CERKL: variants seen among roughly 807,000 people sequenced by gnomAD.
CERKL encodes ceramide kinase-like protein.
In CERKL, 61 loss-of-function variants were observed where a neutral mutation model predicts 63.4. The ratio of observed to expected loss-of-function variants is 0.96; its 90% CI spans 0.78 to 1.19. CERKL has a LOEUF of 1.19. CERKL is among the 50% of genes most tolerant of loss of function. The pLI is 0.00. For synonymous variants in CERKL, 250 were observed against 230.5 expected, an observed-to-expected ratio of 1.08 and a Z score of -0.77; for missense variants, 675 against 655.5, an observed-to-expected ratio of 1.03 and a Z score of -0.33.
intron 6 of CERKL, among the ~76,000 whole-genome samples, 163 bp from the exon 7 acceptor site, chr2:181,549,020 A>G (rs1461491846): frequency 1.3e-5 from 2 of 152,214 alleles, no homozygotes; most frequent in Non-Finnish European, 2.9e-5. Context: ...TATAACTACA[A>G]TAATTACCAT....
intron 11 of CERKL, among the ~76,000 whole-genome samples, chr2:181,541,952 G>C (rs1281367597): frequency 1.3e-5 from 2 of 152,192 alleles, no homozygotes; most frequent in Non-Finnish European, 2.9e-5. Context: ...CAAGAAGACA[G>C]AGGTCCTGCA....
In CERKL at chr2:181,552,698, T is replaced by C. The variant is rs1198360859; in HGVS notation, c.821-2990A>G. Among the ~76,000 whole-genome samples the C allele has an allele frequency of 3.3e-5, 5 of 152,164 alleles. No individual in the cohort carries two copies. In the East Asian group the frequency reaches 7.7e-4, roughly 23 times the overall value. On this transcript the variant is annotated intron_variant, in intron 5 of 12. Transcript: ENST00000410087. ...TTAAGTGTTCTCAATGTAAAATCAGTATGTGATCATTATGTCAATTTTATG... is the reference window on the plus strand; with the variant it reads ...TTAAGTGTTCTCAATGTAAAATCAGCATGTGATCATTATGTCAATTTTATG...
intron 3 of CERKL, among the ~76,000 whole-genome samples, chr2:181,573,037 C>T (rs145031931): frequency 7.2e-5 from 11 of 152,044 alleles, no homozygotes; most frequent in Non-Finnish European, 1.5e-4. Context: ...CCACTGTTAG[C>T]GAAGCCACAT....
chr2:181,565,643 T>G, intron 4 of CERKL: 2 of 762,468 alleles, frequency 2.6e-6, no homozygotes, highest in Non-Finnish European at 4.4e-6. Flanking sequence ...CACAGACAAG[T>G]TAACCAATGG....
In CERKL at chr2:181,571,122, TAGGC is replaced by T. The variant is rs558315036; in HGVS notation, c.613+2627_613+2630del. On this transcript the variant is annotated intron_variant, in intron 3 of 12. Transcript: ENST00000410087. Reference sequence around the variant, plus strand: ...CAACTACAAAAATAACACTGTAAGATAGGCAGGAAGACTAAAACTTTTCAAATAT... The same window carrying T: ...CAACTACAAAAATAACACTGTAAGATAGGAAGACTAAAACTTTTCAAATAT... Among the ~76,000 whole-genome samples, 48 of 152,312 alleles carry T rather than the reference TAGGC, an allele frequency of 3.2e-4. 1 individual carries two copies. In the Middle Eastern group the frequency reaches 0.014, roughly 43 times the overall value.
intron 1 of CERKL, among the ~76,000 whole-genome samples, chr2:181,650,552 AG>A (rs1345112789): frequency 6.6e-6 from 1 of 152,162 alleles, no homozygotes; most frequent in Non-Finnish European, 1.5e-5. Flanking sequence ...TGAGGTCGGG[AG>A]TTCGAGACCA....
At chr2:181,557,759 T>C (rs773513315) in intron 5 of CERKL, among the ~76,000 whole-genome samples, 1 of 152,184 alleles carries the variant, frequency 6.6e-6, no homozygotes, top group East Asian at 1.9e-4. Flanking sequence ...GGAGCCTCCA[T>C]GGTTGGGCCT....
intron 2 of CERKL, among the ~76,000 whole-genome samples, chr2:181,584,237 C>T (rs572742185): frequency 9.2e-5 from 14 of 152,148 alleles, no homozygotes; most frequent in Non-Finnish European, 1.6e-4. Flanking sequence ...ATTGGCCAGG[C>T]ATGGTGGCTC....
intron 5 of CERKL, among the ~76,000 whole-genome samples, chr2:181,551,769 C>G (rs944619274): frequency 6.6e-6 from 1 of 151,922 alleles, no homozygotes; most frequent in African/African-American, 2.4e-5. Flanking sequence ...ATACACATAG[C>G]CTGAAGATAA....
At chr2:181,632,320 A>G (rs1686998533) in intron 1 of CERKL, among the ~76,000 whole-genome samples, 2 of 152,214 alleles carry the variant, frequency 1.3e-5, no homozygotes, top group African/African-American at 4.8e-5. Context: ...AAATCCCTTA[A>G]CACTGGGATT....
intron 3 of CERKL, among the ~76,000 whole-genome samples, chr2:181,567,049 A>T (rs1361923280): frequency 2.0e-5 from 3 of 152,132 alleles, no homozygotes; most frequent in Non-Finnish European, 4.4e-5. Flanking sequence ...ATATTGTTAA[A>T]AATTATTAGT....
chr2:181,554,533 T>C (rs1335425058), intron 5 of CERKL, among the ~76,000 whole-genome samples: 3 of 152,186 alleles, frequency 2.0e-5, no homozygotes, highest in African/African-American at 7.2e-5. Flanking sequence ...TTTATTTTTA[T>C]GTCCTCTCAG....
At position 181,604,079 on chromosome 2, in the gene CERKL, C is replaced by T. The variant is rs912690639; in HGVS notation, c.239G>A (p.Gly80Asp). The change falls in exon 2 of 13, where the codon GGT becomes GAT. Residue 80 changes from glycine (G) to aspartate (D), a missense_variant and splice_region_variant. Physicochemically the swap from Gly to Asp is moderately conservative, Grantham distance 94. Coordinates refer to ENST00000410087, the MANE Select transcript of CERKL (RefSeq NM_201548.5). ...ACATAGCAAGTCATACTTAGAATCA[C>T]CTGAAAAAAAAATAAATTTTCCAAT... ...WRPIQPERPAGDSKYDLLCKE... is the reference protein window; with the variant it reads ...WRPIQPERPADDSKYDLLCKE... 1 of 1,590,576 alleles carries T rather than the reference C, an allele frequency of 6.3e-7. No individual in the cohort carries two copies. Among genetic ancestry groups the T allele is most frequent in the African/African-American group, 1.4e-5 (1 of 73,224 alleles).
chr2:181,566,010 T>C, intron 4 of CERKL, 48 bp downstream of exon 4: 1 of 1,258,452 alleles, frequency 7.9e-7, no homozygotes, highest in Non-Finnish European at 1.2e-6. Flanking sequence ...AGTGAAGGCA[T>C]TTAATACATA....
chr2:181,546,829 C>T (rs764984142), intron 10 of CERKL, among the ~76,000 whole-genome samples: 2 of 152,168 alleles, frequency 1.3e-5, no homozygotes, highest in Non-Finnish European at 2.9e-5. Flanking sequence ...CTACTATTCA[C>T]ATTAAATAGA....
chr2:181,631,168 T>C (rs1389436163), intron 1 of CERKL, among the ~76,000 whole-genome samples: 1 of 152,232 alleles, frequency 6.6e-6, no homozygotes, highest in East Asian at 1.9e-4. Flanking sequence ...TGCTGCCCAC[T>C]TGAAAGGTAA....
intron 3 of CERKL, among the ~76,000 whole-genome samples, chr2:181,567,941 C>A (rs1401265989): frequency 1.3e-5 from 2 of 152,090 alleles, no homozygotes; most frequent in African/African-American, 2.4e-5. Context: ...AATGTAATTT[C>A]AAAAAATGTA....
rs1433299228 is a variant in CERKL, at chr2:181,656,751, T to C, written c.238+18A>G. On this transcript the variant is annotated intron_variant, in intron 1 of 12. Coordinates refer to ENST00000410087, the MANE Select transcript of CERKL (RefSeq NM_201548.5). ...GAAGCGCGGAGGGAGGCGAAGACGC[T>C]TGGGGCCGGGCACTCACCCGCCGGG... The C allele has an allele frequency of 1.9e-6, 3 of 1,576,582 alleles. No homozygotes were observed. The highest frequency in any genetic ancestry group is 1.4e-5 in the African/African-American group (1 of 72,960).
rs1687208553 is a variant in CERKL at position 181,537,520 on chromosome 2, G to C, written c.*664C>G. ...TGGCAGGTAGGCTATATAACTATGT[G>C]ATTTTGAAATTTAACTGCTCTGGAT... is the stretch of plus-strand genomic sequence containing the variant. On this transcript the variant is annotated 3_prime_UTR_variant, in exon 13 of 13. Transcript: ENST00000410087. 2.2e-6 allele frequency: 1 copy of C among 449,254 alleles called. No individual in the cohort carries two copies. Among genetic ancestry groups the C allele is most frequent in the South Asian group, 1.6e-5 (1 of 63,988 alleles). The allele number at this position is 449,254 out of a possible 1,614,324, so 27.8% of individuals were successfully genotyped here. A position where few individuals can be genotyped will look rare whatever the true frequency, so the allele number is the denominator to read the frequency against.
Sources: allele counts gnomAD v4.1 joint callset (sites outside exome capture counted in the v4.1 genomes callset), GRCh38; gene constraint gnomAD v4.1.1; transcripts MANE v1.5; gene names NCBI Gene and HGNC (gene_info 2026-07-23, HGNC 2026-07-21).